The following MDGA2 variants were observed in gnomAD, a reference collection of about 807,000 sequenced individuals.
MDGA2 encodes MAM domain-containing glycosylphosphatidylinositol anchor protein 2.
MDGA2 carries 40 observed loss-of-function variants against 117.8 expected under a neutral mutation model. The observed-to-expected ratio is 0.34, with a 90% confidence interval of 0.26 to 0.44. The LOEUF is 0.44. MDGA2 is among the 20% of genes least tolerant of loss of function. MDGA2 has a pLI of 1.00. For missense variants in MDGA2, 1,123 were observed against 1,250.6 expected (o/e 0.90, Z 1.54); for synonymous variants, 452 against 439.0 (o/e 1.03, Z -0.37).
rs541422380 is a variant in MDGA2, at chr14:47,055,166, T to C, written c.1525+6083A>G. 4.6e-5 allele frequency among the ~76,000 whole-genome samples: 7 copies of C among 152,138 alleles called. No homozygotes were observed. The East Asian group carries it at 1.4e-3, about 29-fold the overall frequency. ...ACTGTTTGGGAAACAGGAAAAGCTG[T>C]CATTGTCAGATTGATTGTTAAGCCT... is the stretch of plus-strand genomic sequence containing the variant. On this transcript the variant is annotated intron_variant, in intron 7 of 16. Transcript: ENST00000399232.
At chr14:47,553,861 T>C (rs1487960863) in intron 1 of MDGA2, among the ~76,000 whole-genome samples, 1 of 152,212 alleles carries the variant, frequency 6.6e-6, no homozygotes, top group Non-Finnish European at 1.5e-5. Context: ...GTAATGAAGA[T>C]AATATCTAAC....
At chr14:47,071,236 A>C (rs1233473691) in intron 6 of MDGA2, among the ~76,000 whole-genome samples, 1 of 152,188 alleles carries the variant, frequency 6.6e-6, no homozygotes, top group Non-Finnish European at 1.5e-5. Context: ...TTGAGAGTTA[A>C]AGAGGTTAAT....
At chr14:47,339,900 T>C (rs777617759) in intron 1 of MDGA2, among the ~76,000 whole-genome samples, 3 of 152,184 alleles carry the variant, frequency 2.0e-5, no homozygotes, top group Non-Finnish European at 4.4e-5. Context: ...TATATAATCA[T>C]GAGTTTGTAT....
At chr14:47,646,336 T>C (rs1012977869) in intron 1 of MDGA2, among the ~76,000 whole-genome samples, 34 of 151,990 alleles carry the variant, frequency 2.2e-4, no homozygotes, top group Admixed American at 2.2e-3. Context: ...TACATACACA[T>C]ATACACATAT....
At chr14:47,367,777 T>G (rs1891261365) in intron 1 of MDGA2, among the ~76,000 whole-genome samples, 1 of 152,232 alleles carries the variant, frequency 6.6e-6, no homozygotes, top group Non-Finnish European at 1.5e-5. Flanking sequence ...ATTTCCTTAC[T>G]TGGCTAATAT....
At chr14:47,525,363 A>G (rs1894950801) in intron 1 of MDGA2, among the ~76,000 whole-genome samples, 1 of 152,068 alleles carries the variant, frequency 6.6e-6, no homozygotes. Flanking sequence ...ACTTTCTATA[A>G]ATGTGGAACT....
chr14:47,035,998 G>A (rs1019028226), intron 7 of MDGA2, among the ~76,000 whole-genome samples: 24 of 151,798 alleles, frequency 1.6e-4, no homozygotes, highest in Middle Eastern at 3.4e-3. Context: ...GGTCTTGCGC[G>A]GTGGCTCACG....
At chr14:46,916,814 A>C (rs540633030) in intron 10 of MDGA2, among the ~76,000 whole-genome samples, 1 of 152,196 alleles carries the variant, frequency 6.6e-6, no homozygotes, top group South Asian at 2.1e-4. Context: ...TAAAATTACC[A>C]ATTAGAATAC....
intron 1 of MDGA2, among the ~76,000 whole-genome samples, chr14:47,472,094 G>A (rs1422750955): frequency 6.6e-6 from 1 of 151,978 alleles, no homozygotes; most frequent in East Asian, 1.9e-4. Flanking sequence ...TGATAATCCA[G>A]AAAAAGGGAG....
chr14:47,177,324 T>C (rs1251936829), intron 3 of MDGA2, among the ~76,000 whole-genome samples: 1 of 152,154 alleles, frequency 6.6e-6, no homozygotes, highest in Non-Finnish European at 1.5e-5. Context: ...GGATTATAAA[T>C]CATGCTGCTA....
intron 1 of MDGA2, among the ~76,000 whole-genome samples, chr14:47,316,268 G>A (rs1467657569): frequency 1.3e-5 from 2 of 151,962 alleles, no homozygotes; most frequent in African/African-American, 2.4e-5. Context: ...CATGTGAAAA[G>A]TAATATTATT....
chr14:47,618,888 G>A (rs1291160482), intron 1 of MDGA2, among the ~76,000 whole-genome samples: 1 of 151,976 alleles, frequency 6.6e-6, no homozygotes, highest in African/African-American at 2.4e-5. Flanking sequence ...AGCAATCACA[G>A]AAAAGGGCCA....
chr14:47,033,167 TC>T (rs1311694837), intron 8 of MDGA2, among the ~76,000 whole-genome samples: 4 of 152,214 alleles, frequency 2.6e-5, no homozygotes, highest in African/African-American at 9.6e-5. Context: ...GAATTTATTT[TC>T]TAGCGGACTA....
At chr14:47,168,566 A>G (rs1404214297) in intron 3 of MDGA2, among the ~76,000 whole-genome samples, 1 of 151,978 alleles carries the variant, frequency 6.6e-6, no homozygotes, top group Non-Finnish European at 1.5e-5. Flanking sequence ...AGTTATTACT[A>G]AAGAGAGTGT....
chr14:47,463,292 C>G (rs1566469748), intron 1 of MDGA2, among the ~76,000 whole-genome samples: 1 of 152,072 alleles, frequency 6.6e-6, no homozygotes, highest in Admixed American at 6.6e-5. Flanking sequence ...CATATGAATG[C>G]TTGCACCCAA....
chr14:47,093,391 G>A (rs1226820858), intron 6 of MDGA2, among the ~76,000 whole-genome samples: 1 of 152,058 alleles, frequency 6.6e-6, no homozygotes, highest in South Asian at 2.1e-4. Flanking sequence ...TGAGAGAAGA[G>A]AGATGTAGGC....
At chr14:46,851,614 T>C (rs1881058035) in intron 15 of MDGA2, among the ~76,000 whole-genome samples, 2 of 151,990 alleles carry the variant, frequency 1.3e-5, no homozygotes, top group Middle Eastern at 3.4e-3. Flanking sequence ...ATCAAATTAA[T>C]TTAAAGTCAT....
chr14:47,170,883 G>A (rs1442656941), intron 3 of MDGA2, among the ~76,000 whole-genome samples: 2 of 152,010 alleles, frequency 1.3e-5, no homozygotes, highest in South Asian at 2.1e-4. Context: ...TTAAGTTAAC[G>A]ACGTGAACAA....
intron 8 of MDGA2, among the ~76,000 whole-genome samples, chr14:47,017,437 A>G (rs1219034939): frequency 6.6e-6 from 1 of 152,078 alleles, no homozygotes; most frequent in East Asian, 1.9e-4. Flanking sequence ...AATACATTCC[A>G]ATTCTATATT....
Sources: gnomAD v4.1 joint callset for allele counts (sites outside exome capture counted in the v4.1 genomes callset) on GRCh38, gnomAD v4.1.1 for gene constraint, MANE v1.5 for transcripts, NCBI Gene and HGNC (gene_info 2026-07-23, HGNC 2026-07-21) for gene names.